The following PRKN variants were observed in gnomAD, a reference collection of about 807,000 sequenced individuals.
PRKN encodes the protein E3 ubiquitin-protein ligase parkin.
In PRKN, 56 loss-of-function variants were observed where a neutral mutation model predicts 59.5. The observed-to-expected ratio is 0.94, with a 90% confidence interval of 0.76 to 1.18. The LOEUF is 1.18. PRKN is among the 50% of genes most tolerant of loss of function. PRKN has a pLI of 0.00. For missense variants in PRKN, 657 were observed against 596.4 expected, an observed-to-expected ratio of 1.10 and a Z score of -1.06; for synonymous variants, 250 against 222.1, an observed-to-expected ratio of 1.13 and a Z score of -1.12.
At position 161,761,407 on chromosome 6, in the gene PRKN, C is replaced by A. The variant is rs1188920771; in HGVS notation, c.871+24365G>T. ...ATGTATGCCTTTGTGCCACATGGTA[C>A]AATGTAACAGGAGACCTCGGCCAAT... On this transcript the variant is annotated intron_variant, in intron 7 of 11. Transcript: ENST00000366898. Among the ~76,000 whole-genome samples, 7 of 152,050 alleles carry A rather than the reference C, an allele frequency of 4.6e-5. No homozygotes were observed. The East Asian group carries it at 1.2e-3, about 25-fold the overall frequency.
At chr6:162,245,628 T>C (rs1449193190) in intron 3 of PRKN, among the ~76,000 whole-genome samples, 1 of 152,184 alleles carries the variant, frequency 6.6e-6, no homozygotes, top group Non-Finnish European at 1.5e-5. Context: ...GTTTGCCTCA[T>C]GGACTAATAT....
At chr6:162,677,585 A>T (rs888676850) in intron 1 of PRKN, among the ~76,000 whole-genome samples, 3 of 152,032 alleles carry the variant, frequency 2.0e-5, no homozygotes, top group Non-Finnish European at 4.4e-5. Context: ...TTTGTTCTCA[A>T]TTATACTGGC....
chr6:162,463,545 C>T (rs1043210003), intron 1 of PRKN, among the ~76,000 whole-genome samples: 2 of 152,236 alleles, frequency 1.3e-5, no homozygotes, highest in Admixed American at 6.5e-5. Flanking sequence ...CCCTGAGCTC[C>T]GGGTTCCTCT....
chr6:162,667,985 A>T (rs1207425739), intron 1 of PRKN, among the ~76,000 whole-genome samples: 1 of 152,198 alleles, frequency 6.6e-6, no homozygotes, highest in Admixed American at 6.5e-5. Flanking sequence ...TTTCAAATAG[A>T]TAACTCATAG....
At chr6:162,610,986 T>C (rs888821566) in intron 1 of PRKN, among the ~76,000 whole-genome samples, 4 of 152,174 alleles carry the variant, frequency 2.6e-5, no homozygotes, top group African/African-American at 9.7e-5. Flanking sequence ...TACAGGAGAA[T>C]CATAATTATC....
chr6:161,910,083 A>T (rs1258595208), intron 6 of PRKN, among the ~76,000 whole-genome samples: 1 of 152,146 alleles, frequency 6.6e-6, no homozygotes, highest in Non-Finnish European at 1.5e-5. Flanking sequence ...AAGTAACTGG[A>T]ACTAGAATTA....
At chr6:161,495,977 G>C (rs1777734393) in intron 9 of PRKN, among the ~76,000 whole-genome samples, 1 of 152,188 alleles carries the variant, frequency 6.6e-6, no homozygotes, top group South Asian at 2.1e-4. Context: ...GTTATTTAAT[G>C]TTGGTGTTCG....
intron 6 of PRKN, among the ~76,000 whole-genome samples, chr6:161,967,541 T>C (rs939247787): frequency 5.9e-5 from 9 of 152,196 alleles, no homozygotes; most frequent in Non-Finnish European, 1.0e-4. Context: ...AGCACTTGAA[T>C]TATTATTAAA....
At chr6:162,099,101 T>G (rs6901071) in intron 4 of PRKN, among the ~76,000 whole-genome samples, 22,027 of 152,196 alleles carry the variant, frequency 0.14, 1,757 homozygotes, top group Middle Eastern at 0.24. Context: ...GAAAATTAAT[T>G]GAGGCCAGCA....
rs958612489 is a variant in PRKN, at chr6:161,633,395, C to T, written c.872-63979G>A. Among the ~76,000 whole-genome samples, 19 of 152,328 alleles carry T rather than the reference C, an allele frequency of 1.2e-4. No individual in the cohort carries two copies. The South Asian group carries it at 1.9e-3, about 15-fold the overall frequency. On this transcript the variant is annotated intron_variant, in intron 7 of 11. Coordinates refer to ENST00000366898, the MANE Select transcript of PRKN (RefSeq NM_004562.3). ...CTACTTCACTTCATACTATATTCCCCTTAGCAACATTGAATCCTTAAGACA... is the reference window on the plus strand; with the variant it reads ...CTACTTCACTTCATACTATATTCCCTTTAGCAACATTGAATCCTTAAGACA...
chr6:162,663,043 A>C (rs368264145), intron 1 of PRKN, among the ~76,000 whole-genome samples: 2 of 152,156 alleles, frequency 1.3e-5, no homozygotes, highest in East Asian at 1.9e-4. Flanking sequence ...GCAGAGTAGA[A>C]CCCGACACCC....
In PRKN at chr6:161,371,721, C is replaced by A. The variant is rs1350884161; in HGVS notation, c.1168-11516G>T. On this transcript the variant is annotated intron_variant, in intron 10 of 11. Coordinates refer to ENST00000366898, the MANE Select transcript of PRKN (RefSeq NM_004562.3). This position sits in a 1 kb window ranked among gnomAD's most constrained non-coding sequence, Gnocchi z 5.5. ...TGACACAATCTCGGCTCACTACAAC[C>A]TCCACCTCCTGGGTTCAAGCGATTC... is the stretch of plus-strand genomic sequence containing the variant. Among the ~76,000 whole-genome samples, 1 of 152,200 alleles carries A rather than the reference C, an allele frequency of 6.6e-6. No homozygotes were observed. The highest frequency in any genetic ancestry group is 2.4e-5 in the African/African-American group (1 of 41,448).
At chr6:161,909,573 C>T (rs745960842) in intron 6 of PRKN, among the ~76,000 whole-genome samples, 3 of 152,072 alleles carry the variant, frequency 2.0e-5, no homozygotes, top group Non-Finnish European at 4.4e-5. Flanking sequence ...TAGAAGGAAC[C>T]GGACATGTAT....
chr6:161,378,810 G>A lies in PRKN; in HGVS notation c.1167+7984C>T, dbSNP rs1490234934. ...CTGAATCAACAACTACCATGGTGCA[G>A]GGTGTGTCTCCAGCAGGTAGAACGC... On this transcript the variant is annotated intron_variant, in intron 10 of 11. Transcript: ENST00000366898. The surrounding 1 kb of genome is among the most constrained non-coding windows in gnomAD (Gnocchi z 7.3). Among the ~76,000 whole-genome samples, 1 of 152,188 alleles carries A rather than the reference G, an allele frequency of 6.6e-6. No individual in the cohort carries two copies. Among genetic ancestry groups the A allele is most frequent in the Non-Finnish European group, 1.5e-5 (1 of 68,032 alleles).
rs1207836340 is a variant in PRKN, at chr6:161,371,251, A to G, written c.1168-11046T>C. On this transcript the variant is annotated intron_variant, in intron 10 of 11. Transcript: ENST00000366898. This position sits in a 1 kb window ranked among gnomAD's most constrained non-coding sequence, Gnocchi z 5.5. ...GAAATCTCCGCTCACTGCAACCTCC[A>G]CCTCCTGGGTTCAAATGATTCTGCT... 6.6e-6 allele frequency among the ~76,000 whole-genome samples: 1 copy of G among 151,186 alleles called. No homozygotes were observed. Among genetic ancestry groups the G allele is most frequent in the African/African-American group, 2.4e-5 (1 of 41,046 alleles).
rs562455538 is a variant in PRKN, at chr6:162,453,944, A to C, written c.8-10471T>G. ...AGAAAGTGGACATAATAATAAGGGC[A>C]AAACTCTTTGGGGAAGGAGATGACA... On this transcript the variant is annotated intron_variant, in intron 1 of 11. Coordinates refer to ENST00000366898, the MANE Select transcript of PRKN (RefSeq NM_004562.3). Among the ~76,000 whole-genome samples the C allele has an allele frequency of 2.0e-5, 3 of 152,246 alleles. No individual in the cohort carries two copies. The East Asian group carries it at 5.8e-4, about 29-fold the overall frequency.
intron 1 of PRKN, among the ~76,000 whole-genome samples, chr6:162,648,248 G>A (rs952353014): frequency 3.9e-5 from 6 of 152,042 alleles, no homozygotes; most frequent in Admixed American, 6.6e-5. Context: ...TTATAATCAC[G>A]TTTTTGTAAT....
rs565912070 is a variant in PRKN, at chr6:162,434,685, A to C, written c.171+8625T>G. On this transcript the variant is annotated intron_variant, in intron 2 of 11. Coordinates refer to ENST00000366898, the MANE Select transcript of PRKN (RefSeq NM_004562.3). Reference sequence around the variant, plus strand: ...GCCATTTAACTTATATCTAAGGAAGATCAATGCTGGAATAAATATTTACTA... The same window carrying C: ...GCCATTTAACTTATATCTAAGGAAGCTCAATGCTGGAATAAATATTTACTA... Among the ~76,000 whole-genome samples, 237 of 152,306 alleles carry C rather than the reference A, an allele frequency of 1.6e-3. 1 individual carries two copies. The highest frequency in any genetic ancestry group is 5.5e-3 in the African/African-American group (228 of 41,572).
chr6:162,086,905 A>G (rs972713999), intron 4 of PRKN, among the ~76,000 whole-genome samples: 1 of 152,250 alleles, frequency 6.6e-6, no homozygotes, highest in Admixed American at 6.5e-5. Context: ...TTGTGGAATG[A>G]AATTGCTGAA....
Sources: gnomAD v4.1 joint callset for allele counts (sites outside exome capture counted in the v4.1 genomes callset) on GRCh38, gnomAD v4.1.1 for gene constraint, Gnocchi (gnomAD v3.1) non-coding constraint, MANE v1.5 for transcripts, NCBI Gene and HGNC (gene_info 2026-07-23, HGNC 2026-07-21) for gene names.